PHF21B: variants seen among roughly 807,000 people sequenced by gnomAD.
PHF21B encodes the protein PHD finger protein 21B.
PHF21B carries 22 observed loss-of-function variants against 62.2 expected under a neutral mutation model. The ratio of observed to expected loss-of-function variants is 0.35; its 90% CI spans 0.25 to 0.51. The LOEUF (loss-of-function observed/expected upper bound fraction) is 0.51, where lower values mean the gene tolerates loss of function less well. PHF21B is among the 20% of genes least tolerant of loss of function. The pLI, the probability that PHF21B is intolerant of heterozygous loss-of-function variation, is 0.97. For missense variants in PHF21B, 701 were observed against 707.9 expected, an observed-to-expected ratio of 0.99 and a Z score of 0.11; for synonymous variants, 341 against 314.7, an observed-to-expected ratio of 1.08 and a Z score of -0.88.
intron 6 of PHF21B, among the ~76,000 whole-genome samples, chr22:44,894,415 G>A (rs947393832): frequency 3.9e-5 from 6 of 152,138 alleles, no homozygotes. Context: ...GAGTGGGGAA[G>A]GACCTTGCCT....
intron 2 of PHF21B, among the ~76,000 whole-genome samples, chr22:44,924,870 C>T (rs2071600963): frequency 6.6e-6 from 1 of 152,214 alleles, no homozygotes. Flanking sequence ...TTCACAGCAG[C>T]TCTTGGTGTC....
intron 3 of PHF21B, among the ~76,000 whole-genome samples, chr22:44,918,425 T>G (rs541745139): frequency 3.3e-5 from 5 of 152,362 alleles, no homozygotes; most frequent in Non-Finnish European, 5.9e-5. Context: ...GGATCTGGCC[T>G]GAGCCACCCC....
chr22:44,981,303 C>T (rs774719330), intron 2 of PHF21B, among the ~76,000 whole-genome samples: 2 of 152,184 alleles, frequency 1.3e-5, no homozygotes, highest in Non-Finnish European at 2.9e-5. Context: ...CTACCCTCCT[C>T]GGATACTGTC....
intron 2 of PHF21B, among the ~76,000 whole-genome samples, chr22:44,954,910 G>T (rs1017027444): frequency 6.6e-6 from 1 of 152,190 alleles, no homozygotes; most frequent in Non-Finnish European, 1.5e-5. Flanking sequence ...GTCCTCCAGG[G>T]AGAAGGAATG....
chr22:44,961,845 AAAATAAATAAATAAATAAATAAAT>A (rs142030912), intron 2 of PHF21B, among the ~76,000 whole-genome samples: 7 of 144,244 alleles, frequency 4.9e-5, no homozygotes, highest in Non-Finnish European at 9.0e-5. Flanking sequence ...ACTCTGTCTC[AAAATAAATAAATAAATAAATAAAT>A]AAATAAATAA....
At position 44,882,956 on chromosome 22, in the gene PHF21B, T is replaced by G; in HGVS notation, c.*130A>C. On this transcript the variant is annotated 3_prime_UTR_variant, in exon 13 of 13. Transcript: ENST00000313237. ...GGCCTCTCGCCCAGCTCTTCCTCCC[T>G]CCTCTCCTCTGTCTGGTTAATTTTT... 8.7e-7 allele frequency: 1 copy of G among 1,149,226 alleles called. No individual in the cohort carries two copies. Among genetic ancestry groups the G allele is most frequent in the Non-Finnish European group, 1.2e-6 (1 of 817,954 alleles). The allele number at this position is 1,149,226 out of a possible 1,614,324, so 71.2% of individuals were successfully genotyped here. A position where few individuals can be genotyped will look rare whatever the true frequency, so the allele number is the denominator to read the frequency against.
intron 2 of PHF21B, among the ~76,000 whole-genome samples, chr22:44,974,306 C>T (rs1045814718): frequency 5.9e-5 from 9 of 151,438 alleles, no homozygotes; most frequent in Admixed American, 1.3e-4. Context: ...CCCAGCTACT[C>T]GGGAGGCTGA....
chr22:44,964,219 G>C (rs1231141927), intron 2 of PHF21B, among the ~76,000 whole-genome samples: 2 of 152,200 alleles, frequency 1.3e-5, no homozygotes, highest in Admixed American at 6.5e-5. Flanking sequence ...TATTCACCGA[G>C]GCCTCAACCC....
At chr22:44,916,169 C>T (rs2071427825) in intron 4 of PHF21B, 111 bp downstream of exon 4, 1 of 1,029,010 alleles carries the variant, frequency 9.7e-7, no homozygotes, top group Non-Finnish European at 1.4e-6. Flanking sequence ...ATTCTGCCTC[C>T]TGGTCATTCA....
At chr22:44,943,573 C>T (rs997342460) in intron 2 of PHF21B, among the ~76,000 whole-genome samples, 2 of 152,166 alleles carry the variant, frequency 1.3e-5, no homozygotes, top group African/African-American at 2.4e-5. Context: ...CCAGGCCCCG[C>T]GGGCTCTAGA....
At position 44,974,248 on chromosome 22, in the gene PHF21B, C is replaced by A. The variant is rs1041882463; in HGVS notation, c.120+34297G>T. 3.3e-5 allele frequency among the ~76,000 whole-genome samples: 5 copies of A among 152,090 alleles called. No individual in the cohort carries two copies. In the East Asian group the frequency reaches 9.7e-4, roughly 29 times the overall value. ...TGACCAACATGGCGAAACCCTGTCT[C>A]TACTAAAATATAAAAATCAGCTGGG... is the stretch of plus-strand genomic sequence containing the variant. On this transcript the variant is annotated intron_variant, in intron 2 of 12. Coordinates refer to ENST00000313237, the MANE Select transcript of PHF21B (RefSeq NM_138415.5).
At chr22:44,972,320 T>C (rs1601662710) in intron 2 of PHF21B, among the ~76,000 whole-genome samples, 3 of 152,346 alleles carry the variant, frequency 2.0e-5, no homozygotes, top group Non-Finnish European at 2.9e-5. Flanking sequence ...TTTGGTAAAA[T>C]GTATCATGAG....
intron 2 of PHF21B, among the ~76,000 whole-genome samples, chr22:44,972,578 C>G (rs1299515696): frequency 3.3e-5 from 5 of 152,234 alleles, no homozygotes; most frequent in Non-Finnish European, 7.3e-5. Flanking sequence ...TCCAGGCCCA[C>G]ACTGCACGCC....
At chr22:44,928,754 C>T (rs550598103) in intron 2 of PHF21B, among the ~76,000 whole-genome samples, 13 of 152,320 alleles carry the variant, frequency 8.5e-5, no homozygotes, top group African/African-American at 2.6e-4. Context: ...CTACAGAAGG[C>T]GCTGGGTTTC....
At chr22:45,004,160 T>A (rs2073270867) in intron 2 of PHF21B, among the ~76,000 whole-genome samples, 1 of 152,188 alleles carries the variant, frequency 6.6e-6, no homozygotes, top group Non-Finnish European at 1.5e-5. Context: ...TGGATGGTAG[T>A]GAAGGCTGTA....
intron 2 of PHF21B, among the ~76,000 whole-genome samples, chr22:44,925,441 A>G: frequency 6.6e-6 from 1 of 152,104 alleles, no homozygotes; most frequent in East Asian, 1.9e-4. Flanking sequence ...TTATGCTCGG[A>G]CGGCGGTTCC....
At chr22:44,972,055 G>A (rs1331612780) in intron 2 of PHF21B, among the ~76,000 whole-genome samples, 1 of 152,198 alleles carries the variant, frequency 6.6e-6, no homozygotes, top group Non-Finnish European at 1.5e-5. Context: ...GCTTTAGGGT[G>A]GGCAACACTG....
At chr22:44,978,174 T>A (rs990817201) in intron 2 of PHF21B, among the ~76,000 whole-genome samples, 4 of 152,134 alleles carry the variant, frequency 2.6e-5, no homozygotes, top group African/African-American at 9.7e-5. Context: ...GATCTCCGGT[T>A]TGCAGGAGAT....
chr22:44,984,806 G>A (rs528876911), intron 2 of PHF21B, among the ~76,000 whole-genome samples: 3 of 152,268 alleles, frequency 2.0e-5, no homozygotes, highest in Admixed American at 6.5e-5. Flanking sequence ...CAGAACCTCG[G>A]CATTTCCCGC....
Sources: allele counts gnomAD v4.1 joint callset (sites outside exome capture counted in the v4.1 genomes callset), GRCh38; gene constraint gnomAD v4.1.1; transcripts MANE v1.5; gene names NCBI Gene and HGNC (gene_info 2026-07-23, HGNC 2026-07-21).